KCNN2: variants seen among roughly 807,000 people sequenced by gnomAD.
The protein encoded by KCNN2 is small conductance calcium-activated potassium channel protein 2.
A neutral mutation model predicts 55.5 loss-of-function variants in KCNN2; 24 were observed. The observed-to-expected ratio is 0.43, with a 90% CI of 0.31 to 0.61. The LOEUF is 0.61. KCNN2 is among the 20% of genes least tolerant of loss of function. KCNN2 has a pLI of 0.08. For missense variants in KCNN2, 754 were observed against 853.6 expected (o/e 0.88, Z 1.45); for synonymous variants, 431 against 336.1 (o/e 1.28, Z -3.09).
chr5:114,346,253 G>A (rs763106956), intron 2 of KCNN2, among the ~76,000 whole-genome samples: 3 of 152,168 alleles, frequency 2.0e-5, no homozygotes, highest in African/African-American at 7.2e-5. Flanking sequence ...ACCAAGCCAT[G>A]AGAAATTTGC....
intron 2 of KCNN2, among the ~76,000 whole-genome samples, chr5:114,287,407 A>T (rs2150015749): frequency 6.6e-6 from 1 of 152,340 alleles, no homozygotes; most frequent in South Asian, 2.1e-4. Flanking sequence ...ACCAAGGAAT[A>T]CTATGCAGCC....
intron 1 of KCNN2, among the ~76,000 whole-genome samples, chr5:114,060,592 G>T (rs546853857): frequency 1.2e-4 from 18 of 152,208 alleles, no homozygotes; most frequent in Non-Finnish European, 1.9e-4. Flanking sequence ...GCTGAGTATG[G>T]CATTGCTTAA....
intron 2 of KCNN2, among the ~76,000 whole-genome samples, chr5:114,271,571 A>C (rs1353101688): frequency 6.6e-6 from 1 of 152,182 alleles, no homozygotes; most frequent in Admixed American, 6.6e-5. Context: ...TCCACAGGGA[A>C]GTTTAACCTG....
chr5:114,370,590 T>A (rs1042822259), intron 2 of KCNN2, among the ~76,000 whole-genome samples: 4 of 152,034 alleles, frequency 2.6e-5, no homozygotes, highest in Non-Finnish European at 5.9e-5. Context: ...GAAAGTGACA[T>A]TTAAACTGAG....
chr5:114,277,305 A>G (rs1320222381), intron 2 of KCNN2, among the ~76,000 whole-genome samples: 2 of 152,024 alleles, frequency 1.3e-5, no homozygotes, highest in East Asian at 1.9e-4. Flanking sequence ...GAATCTGACA[A>G]TTATGTGTCT....
intron 2 of KCNN2, among the ~76,000 whole-genome samples, chr5:114,307,314 G>A (rs1756302215): frequency 6.6e-6 from 1 of 152,136 alleles, no homozygotes; most frequent in African/African-American, 2.4e-5. Context: ...TTATCATTCT[G>A]CTCACCAACT....
At chr5:114,392,802 TG>T (rs745482973) in intron 2 of KCNN2, among the ~76,000 whole-genome samples, 35 of 134,182 alleles carry the variant, frequency 2.6e-4, no homozygotes, top group Non-Finnish European at 4.2e-4. Context: ...GTGTTTTTTG[TG>T]GGGTTTTTTT....
intron 6 of KCNN2, chr5:114,488,966 G>T (rs1031032558): frequency 2.6e-5 from 4 of 152,194 alleles, no homozygotes; most frequent in Admixed American, 2.6e-4. Context: ...TGGTCGGTCT[G>T]TGTTGAGCAG....
At chr5:114,294,140 A>C (rs6594819) in intron 2 of KCNN2, among the ~76,000 whole-genome samples, 149,515 of 152,162 alleles carry the variant, frequency 0.98, 73,511 homozygotes, top group Non-Finnish European at 1. Flanking sequence ...TTTCAAAAAA[A>C]CAGCTCCTGG....
chr5:114,421,528 T>C (rs143910925), intron 3 of KCNN2, among the ~76,000 whole-genome samples: 2 of 152,034 alleles, frequency 1.3e-5, no homozygotes, highest in East Asian at 3.9e-4. Flanking sequence ...TGACCTCAGG[T>C]GATCTACCTG....
intron 1 of KCNN2, among the ~76,000 whole-genome samples, chr5:114,212,975 C>T (rs1198762902): frequency 6.6e-6 from 1 of 151,778 alleles, no homozygotes; most frequent in Non-Finnish European, 1.5e-5. Context: ...GGAGAATTGC[C>T]TTTGGAGTAC....
At chr5:114,098,795 T>C (rs982560433) in intron 1 of KCNN2, among the ~76,000 whole-genome samples, 91 of 152,268 alleles carry the variant, frequency 6.0e-4, no homozygotes, top group Non-Finnish European at 6.3e-4. Context: ...AATCTTTTTT[T>C]CCCTCTTTTA....
chr5:114,313,474 C>G (rs1482683291), intron 2 of KCNN2, among the ~76,000 whole-genome samples: 1 of 152,072 alleles, frequency 6.6e-6, no homozygotes, highest in Non-Finnish European at 1.5e-5. Context: ...TTGCTAGTAA[C>G]TTAAATCAGC....
In KCNN2 at chr5:114,363,893, G is replaced by C. The variant is rs1475739239; in HGVS notation, c.1123-13G>C. The stretch of plus-strand genomic sequence containing the variant: ...TTCTTTCTTAAAAGTGCTTCTGTCT[G>C]ACTGTGTTGCAGGCGTCGCTGTATT... On this transcript the variant is annotated splice_polypyrimidine_tract_variant and intron_variant, in intron 1 of 7. Coordinates refer to ENST00000673685, the MANE Select transcript of KCNN2 (RefSeq NM_021614.4). The C allele has an allele frequency of 2.5e-6, 4 of 1,605,890 alleles. No individual in the cohort carries two copies. The African/African-American group carries it at 5.4e-5, about 21-fold the overall frequency.
intron 2 of KCNN2, among the ~76,000 whole-genome samples, chr5:114,238,766 T>G: frequency 6.6e-6 from 1 of 152,230 alleles, no homozygotes. Flanking sequence ...CTATGTCCTA[T>G]CAGCCTGAGC....
intron 1 of KCNN2, among the ~76,000 whole-genome samples, chr5:114,093,565 T>TAAAAG (rs1236050532): frequency 6.6e-6 from 1 of 152,184 alleles, no homozygotes; most frequent in Non-Finnish European, 1.5e-5. Flanking sequence ...GGGTAATTTA[T>TAAAAG]AAAAGAAAGA....
intron 3 of KCNN2, among the ~76,000 whole-genome samples, chr5:114,411,613 G>A (rs1216032892): frequency 6.6e-6 from 1 of 152,182 alleles, no homozygotes; most frequent in Non-Finnish European, 1.5e-5. Flanking sequence ...GCACAGGACA[G>A]GAGTCTGAAG....
chr5:114,270,835 G>T (rs1487166515), intron 2 of KCNN2, among the ~76,000 whole-genome samples: 2 of 152,088 alleles, frequency 1.3e-5, no homozygotes, highest in Non-Finnish European at 2.9e-5. Context: ...TGGTGTGTCC[G>T]CAGTTTGTTC....
At chr5:114,135,786 A>G (rs1752162971) in intron 1 of KCNN2, among the ~76,000 whole-genome samples, 1 of 152,250 alleles carries the variant, frequency 6.6e-6, no homozygotes, top group Admixed American at 6.5e-5. Context: ...TGGATTATTA[A>G]TATTCTCAGA....
Sources: gnomAD v4.1 joint callset for allele counts (sites outside exome capture counted in the v4.1 genomes callset) on GRCh38, gnomAD v4.1.1 for gene constraint, MANE v1.5 for transcripts, NCBI Gene and HGNC (gene_info 2026-07-23, HGNC 2026-07-21) for gene names.